RHOU: variants seen among roughly 807,000 people sequenced by gnomAD.
RHOU encodes ras homolog family member U, also known as rho-related GTP-binding protein RhoU.
Under a neutral mutation model 12.6 loss-of-function variants are expected in RHOU, and 8 were observed. The observed-to-expected ratio is 0.64, with a 90% CI of 0.37 to 1.15. RHOU has a LOEUF of 1.15. Among genes scored for constraint, RHOU ranks in the 50% most tolerant of loss-of-function variants. The pLI, the probability that RHOU is intolerant of heterozygous loss-of-function variation, is 0.01. For synonymous variants in RHOU, 161 were observed against 147.4 expected (o/e 1.09, Z -0.67); for missense variants, 258 against 347.0 (o/e 0.74, Z 2.04).
At chr1:228,704,464 T>C in the RHOU span, among the ~76,000 whole-genome samples, 1 of 152,118 alleles carries the variant, frequency 6.6e-6, no homozygotes, top group South Asian at 2.1e-4. Flanking sequence ...TTTATTTTTA[T>C]TTTTTAGATA....
chr1:228,731,869 C>T (rs1021125235), upstream of RHOU, among the ~76,000 whole-genome samples: 1 of 152,050 alleles, frequency 6.6e-6, no homozygotes, highest in Admixed American at 6.6e-5. Context: ...ACCCAGTTTT[C>T]AGAATTTTCT....
chr1:228,714,377 C>T, the RHOU span, among the ~76,000 whole-genome samples: 17 of 152,184 alleles, frequency 1.1e-4, no homozygotes, highest in African/African-American at 1.7e-4. Context: ...TCATTTGCTC[C>T]GGAACAATGT....
chr1:228,678,986 G>A, the RHOU span, among the ~76,000 whole-genome samples: 1 of 151,790 alleles, frequency 6.6e-6, no homozygotes, highest in South Asian at 2.1e-4. Context: ...CAACCACATA[G>A]CCCTGCACTT....
the RHOU span, among the ~76,000 whole-genome samples, chr1:228,656,552 G>A: frequency 2.0e-5 from 3 of 152,008 alleles, no homozygotes; most frequent in Non-Finnish European, 2.9e-5. Flanking sequence ...ACTGAAAGGG[G>A]GGATGGAGCT....
At chr1:228,727,165 G>A in the RHOU span, among the ~76,000 whole-genome samples, 5 of 152,254 alleles carry the variant, frequency 3.3e-5, no homozygotes, top group Admixed American at 6.5e-5. Context: ...TGTAGCTAAT[G>A]ACTACACCTC....
chr1:228,684,057 A>G, the RHOU span, among the ~76,000 whole-genome samples: 1 of 152,224 alleles, frequency 6.6e-6, no homozygotes, highest in African/African-American at 2.4e-5. Flanking sequence ...TTTCTTTTTG[A>G]GACGGAGTCT....
chr1:228,683,022 G>A, the RHOU span, among the ~76,000 whole-genome samples: 2 of 151,218 alleles, frequency 1.3e-5, no homozygotes, highest in Non-Finnish European at 2.9e-5. Context: ...AAGCTCATTA[G>A]GAGAGGATGT....
the RHOU span, chr1:228,647,843 C>G: frequency 2.6e-5 from 4 of 152,250 alleles, no homozygotes; most frequent in East Asian, 1.9e-4. Flanking sequence ...AAAGAGGGAG[C>G]AGATTTACGG....
chr1:228,700,647 G>A, the RHOU span, among the ~76,000 whole-genome samples: 1 of 152,064 alleles, frequency 6.6e-6, no homozygotes, highest in Non-Finnish European at 1.5e-5. Context: ...CCATAATTAT[G>A]ACTGATAAAA....
chr1:228,738,965 A>G lies in RHOU; in HGVS notation c.321+1234A>G, dbSNP rs1371090762. ...GACATCATCTCTACAAAATAAAAAA[A>G]TTAGCCTGGTGTGGTGGCACTGTCT... On this transcript the variant is annotated intron_variant, in intron 2 of 2. Transcript: ENST00000366691. This position sits in a 1 kb window ranked among gnomAD's most constrained non-coding sequence, Gnocchi z 4.2. Among the ~76,000 whole-genome samples the G allele has an allele frequency of 6.6e-6, 1 of 151,940 alleles. No individual in the cohort carries two copies. Among genetic ancestry groups the G allele is most frequent in the African/African-American group, 2.4e-5 (1 of 41,336 alleles).
chr1:228,679,998 C>T, the RHOU span, among the ~76,000 whole-genome samples: 1 of 152,034 alleles, frequency 6.6e-6, no homozygotes, highest in Admixed American at 6.6e-5. Flanking sequence ...GAAAATTGTC[C>T]AAGTTGGCAC....
At chr1:228,677,117 T>C in the RHOU span, among the ~76,000 whole-genome samples, 1 of 151,940 alleles carries the variant, frequency 6.6e-6, no homozygotes, top group East Asian at 1.9e-4. Flanking sequence ...TCAAGCGGGA[T>C]TGGGGTGGCG....
At chr1:228,694,588 C>G in the RHOU span, among the ~76,000 whole-genome samples, 4 of 152,262 alleles carry the variant, frequency 2.6e-5, no homozygotes, top group African/African-American at 9.6e-5. Flanking sequence ...TTTTCTGTTC[C>G]TGCATTACTT....
intron 2 of RHOU, among the ~76,000 whole-genome samples, chr1:228,739,950 T>C (rs1281771719): frequency 6.6e-6 from 1 of 152,114 alleles, no homozygotes; most frequent in Non-Finnish European, 1.5e-5. Flanking sequence ...CTTAATAGAC[T>C]TACAGTGTGG....
At chr1:228,675,533 A>G in the RHOU span, among the ~76,000 whole-genome samples, 1 of 152,202 alleles carries the variant, frequency 6.6e-6, no homozygotes, top group Non-Finnish European at 1.5e-5. Flanking sequence ...ATACCGCTCC[A>G]TCTGTTGCAT....
chr1:228,722,842 C>T, the RHOU span, among the ~76,000 whole-genome samples: 4 of 152,080 alleles, frequency 2.6e-5, no homozygotes, highest in African/African-American at 7.2e-5. Context: ...AGGATGGTCT[C>T]GATCTCCTGA....
At chr1:228,703,586 C>G in the RHOU span, among the ~76,000 whole-genome samples, 3 of 151,902 alleles carry the variant, frequency 2.0e-5, no homozygotes, top group East Asian at 5.8e-4. Flanking sequence ...ATTTTAGAGA[C>G]TGTTTTAGTT....
the RHOU span, among the ~76,000 whole-genome samples, chr1:228,648,523 G>A: frequency 6.6e-6 from 1 of 152,044 alleles, no homozygotes; most frequent in Non-Finnish European, 1.5e-5. Flanking sequence ...ATCCCTTGCT[G>A]CCCCTCTTGC....
At chr1:228,727,731 T>C in the RHOU span, among the ~76,000 whole-genome samples, 1 of 152,170 alleles carries the variant, frequency 6.6e-6, no homozygotes, top group Non-Finnish European at 1.5e-5. Context: ...AGGGCTGCAG[T>C]TTCTGGAGGG....
Sources: allele counts gnomAD v4.1 joint callset (sites outside exome capture counted in the v4.1 genomes callset), GRCh38; gene constraint gnomAD v4.1.1; non-coding constraint Gnocchi (gnomAD v3.1); transcripts MANE v1.5; gene names NCBI Gene and HGNC (gene_info 2026-07-23, HGNC 2026-07-21).